The following WNT7A variants were observed in gnomAD, a reference collection of about 807,000 sequenced individuals.
WNT7A encodes the protein protein Wnt-7a.
A neutral mutation model predicts 28.2 loss-of-function variants in WNT7A; 16 were observed. The observed-to-expected ratio is 0.57, with a 90% CI of 0.38 to 0.86. The LOEUF (loss-of-function observed/expected upper bound fraction) is 0.86, where lower values mean the gene tolerates loss of function less well. Among genes scored for constraint, WNT7A ranks in the 40% least tolerant of loss-of-function variants. WNT7A has a pLI of 0.00. For missense variants in WNT7A, 411 were observed against 489.7 expected, an observed-to-expected ratio of 0.84 and a Z score of 1.52; for synonymous variants, 190 against 195.9, an observed-to-expected ratio of 0.97 and a Z score of 0.25.
chr3:13,852,309 G>A (rs1472207220), intron 3 of WNT7A, among the ~76,000 whole-genome samples: 1 of 152,176 alleles, frequency 6.6e-6, no homozygotes, highest in East Asian at 1.9e-4. Context: ...GTGAGGGAGC[G>A]GGTGATAAAC....
intron 3 of WNT7A, among the ~76,000 whole-genome samples, chr3:13,830,316 T>A (rs1292856439): frequency 6.6e-6 from 1 of 152,078 alleles, no homozygotes; most frequent in African/African-American, 2.4e-5. Flanking sequence ...ATGGCTTAGT[T>A]TTCACAGAAA....
chr3:13,843,092 C>T (rs1281875976), intron 3 of WNT7A, among the ~76,000 whole-genome samples: 4 of 152,186 alleles, frequency 2.6e-5, no homozygotes, highest in African/African-American at 9.7e-5. Context: ...AGCAAAAAAT[C>T]TCAATGGCGA....
chr3:13,843,763 C>CTG (rs1559299497), intron 3 of WNT7A, among the ~76,000 whole-genome samples: 5 of 149,354 alleles, frequency 3.3e-5, no homozygotes, highest in African/African-American at 1.2e-4. Context: ...TTTTTTTCCC[C>CTG]TGAGATGGAG....
chr3:13,838,791 A>C (rs1336907236), intron 3 of WNT7A, among the ~76,000 whole-genome samples: 2 of 152,160 alleles, frequency 1.3e-5, no homozygotes, highest in African/African-American at 4.8e-5. Flanking sequence ...GACTTTCCAG[A>C]AGGTAGCGAG....
At chr3:13,863,042 C>T (rs1039651366) in intron 2 of WNT7A, among the ~76,000 whole-genome samples, 1 of 152,206 alleles carries the variant, frequency 6.6e-6, no homozygotes, top group South Asian at 2.1e-4. Context: ...CCTCAGTTTC[C>T]TCATTTGTAA....
At chr3:13,856,234 C>T (rs1220539334) in intron 2 of WNT7A, among the ~76,000 whole-genome samples, 1 of 152,236 alleles carries the variant, frequency 6.6e-6, no homozygotes, top group Non-Finnish European at 1.5e-5. Flanking sequence ...GTCCCAGCTC[C>T]GCCACTGACT....
At chr3:13,829,326 G>T (rs919393677) in intron 3 of WNT7A, among the ~76,000 whole-genome samples, 3 of 152,238 alleles carry the variant, frequency 2.0e-5, no homozygotes, top group African/African-American at 7.2e-5. Flanking sequence ...AAGGCATTCT[G>T]TTACTTGCAA....
intron 2 of WNT7A, 126 bp from the exon 3 acceptor site, chr3:13,854,929 CGT>C: frequency 7.8e-7 from 1 of 1,288,298 alleles, no homozygotes; most frequent in Non-Finnish European, 1.1e-6. Flanking sequence ...ACTGAGTACC[CGT>C]TCCTAACTTC....
At chr3:13,845,865 CGGA>C (rs1312480138) in intron 3 of WNT7A, among the ~76,000 whole-genome samples, 1 of 152,228 alleles carries the variant, frequency 6.6e-6, no homozygotes, top group East Asian at 1.9e-4. Context: ...CTGGAAGGAT[CGGA>C]GGAGAAGAGA....
chr3:13,836,439 C>G (rs1338112711), intron 3 of WNT7A, among the ~76,000 whole-genome samples: 1 of 152,228 alleles, frequency 6.6e-6, no homozygotes, highest in East Asian at 1.9e-4. Flanking sequence ...GGACCCCACC[C>G]CCAGAGGTTA....
chr3:13,856,097 C>T lies in WNT7A; in HGVS notation c.299-1294G>A, dbSNP rs146038652. Among the ~76,000 whole-genome samples the T allele has an allele frequency of 3.0e-3, 455 of 152,012 alleles. 4 individuals are homozygous for T. Among genetic ancestry groups the T allele is most frequent in the African/African-American group, 0.011 (439 of 41,520 alleles). On this transcript the variant is annotated intron_variant, in intron 2 of 3. Transcript: ENST00000285018. ...GCCCTCCCACCCTGCAGAAGGTAGG[C>T]CTGTCCACCTGCTGGACTGGACAGC...
chr3:13,837,475 A>T (rs1575063513), intron 3 of WNT7A, among the ~76,000 whole-genome samples: 1 of 151,996 alleles, frequency 6.6e-6, no homozygotes, highest in African/African-American at 2.4e-5. Flanking sequence ...CATCTGCTGT[A>T]TTCGGGAGCA....
intron 3 of WNT7A, among the ~76,000 whole-genome samples, chr3:13,839,897 G>A (rs1350130709): frequency 6.6e-6 from 1 of 152,210 alleles, no homozygotes; most frequent in Non-Finnish European, 1.5e-5. Context: ...CAAGCAGCCA[G>A]GAGGGAGCAG....
chr3:13,854,356 G>T (rs1559302207), intron 3 of WNT7A, among the ~76,000 whole-genome samples, 176 bp downstream of exon 3: 1 of 152,114 alleles, frequency 6.6e-6, no homozygotes, highest in Non-Finnish European at 1.5e-5. Flanking sequence ...TAACTGACAA[G>T]CTTCGTGCCA....
At chr3:13,868,734 A>T (rs1156275835) in intron 2 of WNT7A, among the ~76,000 whole-genome samples, 1 of 148,116 alleles carries the variant, frequency 6.8e-6, no homozygotes, top group African/African-American at 2.5e-5. Flanking sequence ...GAAAGAAAGA[A>T]AGAAGAGAAA....
In WNT7A at chr3:13,818,738, T is replaced by G. The variant is rs1575057036; in HGVS notation, c.*206A>C. 1.4e-6 allele frequency: 1 copy of G among 713,656 alleles called. No individual in the cohort carries two copies. The allele number at this position is 713,656 out of a possible 1,614,324, so 44.2% of individuals were successfully genotyped here. On this transcript the variant is annotated 3_prime_UTR_variant, in exon 4 of 4. Coordinates refer to ENST00000285018, the MANE Select transcript of WNT7A (RefSeq NM_004625.4). ...GACCTGGGCTGTGTCTGGGGGAGGG[T>G]GGAGCAGCATTGGGTGTGGAACAGA...
chr3:13,827,809 T>A (rs1478368161), intron 3 of WNT7A, among the ~76,000 whole-genome samples: 2 of 152,158 alleles, frequency 1.3e-5, no homozygotes, highest in Non-Finnish European at 2.9e-5. Flanking sequence ...CTGCTTGCTG[T>A]CATCCCTGCC....
intron 3 of WNT7A, among the ~76,000 whole-genome samples, chr3:13,836,491 TA>T (rs1694373467): frequency 6.6e-6 from 1 of 152,220 alleles, no homozygotes; most frequent in African/African-American, 2.4e-5. Flanking sequence ...TCTGCTATTT[TA>T]AAAAGCTTCT....
At chr3:13,828,800 G>T (rs1014928700) in intron 3 of WNT7A, among the ~76,000 whole-genome samples, 3 of 152,190 alleles carry the variant, frequency 2.0e-5, no homozygotes, top group Non-Finnish European at 4.4e-5. Flanking sequence ...TATAAGCAGT[G>T]ACCTGGGCAA....
Sources: gnomAD v4.1 joint callset for allele counts (sites outside exome capture counted in the v4.1 genomes callset) on GRCh38, gnomAD v4.1.1 for gene constraint, MANE v1.5 for transcripts, NCBI Gene and HGNC (gene_info 2026-07-23, HGNC 2026-07-21) for gene names.